Variants in FAM151B observed in about 807,000 individuals in gnomAD.
FAM151B encodes the protein family with sequence similarity 151 member B.
A neutral mutation model predicts 31.2 loss-of-function variants in FAM151B; 24 were observed. The observed-to-expected ratio is 0.77, with a 90% CI of 0.56 to 1.08. The LOEUF is 1.08. Ranked by LOEUF, FAM151B falls within the 50% of genes least tolerant of loss-of-function variation. FAM151B has a pLI of 0.00. For synonymous variants in FAM151B, 105 were observed against 111.4 expected, an observed-to-expected ratio of 0.94 and a Z score of 0.36; for missense variants, 293 against 328.6, an observed-to-expected ratio of 0.89 and a Z score of 0.84.
intron 5 of FAM151B, among the ~76,000 whole-genome samples, chr5:80,531,786 G>A (rs537575988): frequency 6.6e-6 from 1 of 152,284 alleles, no homozygotes; most frequent in African/African-American, 2.4e-5. Flanking sequence ...TACACTGTTG[G>A]TGGGACTATA....
chr5:80,517,936 G>A (rs1054098856), intron 3 of FAM151B, among the ~76,000 whole-genome samples: 1 of 152,106 alleles, frequency 6.6e-6, no homozygotes, highest in African/African-American at 2.4e-5. Context: ...GCTGGGTGTG[G>A]TGGCGCATGC....
intron 2 of FAM151B, chr5:80,511,148 A>C (rs1250691973): frequency 2.0e-5 from 3 of 152,246 alleles, no homozygotes; most frequent in African/African-American, 7.2e-5. Context: ...ATGAATCTGA[A>C]TGTATCCTCC....
At chr5:80,534,781 T>C (rs921287955) in intron 5 of FAM151B, among the ~76,000 whole-genome samples, 3 of 152,094 alleles carry the variant, frequency 2.0e-5, no homozygotes, top group African/African-American at 7.2e-5. Context: ...GAAAGATATA[T>C]AAAGGACATC....
chr5:80,529,818 G>A (rs1172310914), intron 5 of FAM151B, among the ~76,000 whole-genome samples: 2 of 137,924 alleles, frequency 1.5e-5, no homozygotes, highest in South Asian at 2.2e-4. Flanking sequence ...ACAAAGAGGA[G>A]CTGGTAGCAT....
chr5:80,502,834 G>A (rs1448226185), intron 2 of FAM151B, among the ~76,000 whole-genome samples: 1 of 152,086 alleles, frequency 6.6e-6, no homozygotes, highest in Non-Finnish European at 1.5e-5. Flanking sequence ...TCCTCAAAAG[G>A]AAGAATTTTG....
intron 2 of FAM151B, chr5:80,506,083 A>T: frequency 1.0e-6 from 1 of 985,560 alleles, no homozygotes; most frequent in Non-Finnish European, 1.2e-6. Flanking sequence ...TAAGGTATCC[A>T]TTTCTGCTCC....
chr5:80,528,644 C>A (rs991895868), intron 5 of FAM151B, among the ~76,000 whole-genome samples: 3 of 151,856 alleles, frequency 2.0e-5, no homozygotes, highest in Admixed American at 1.3e-4. Flanking sequence ...GTAATCCCAG[C>A]TGCTTGGGAG....
chr5:80,496,606 T>C (rs1743545347), intron 1 of FAM151B, among the ~76,000 whole-genome samples: 1 of 152,132 alleles, frequency 6.6e-6, no homozygotes, highest in Non-Finnish European at 1.5e-5. Context: ...TGAATTCTAA[T>C]GTAAACTATG....
At chr5:80,514,224 C>T (rs1038739873) in intron 3 of FAM151B, among the ~76,000 whole-genome samples, 4 of 152,026 alleles carry the variant, frequency 2.6e-5, no homozygotes, top group African/African-American at 9.7e-5. Flanking sequence ...CCTGTAATTC[C>T]AGCACTTTGG....
intron 5 of FAM151B, among the ~76,000 whole-genome samples, chr5:80,535,074 T>TA (rs1020090349): frequency 1.3e-3 from 205 of 152,222 alleles, no homozygotes; most frequent in African/African-American, 4.6e-3. Context: ...ATTAAAACTA[T>TA]AAAACACTGG....
At chr5:80,538,487 C>T (rs183893300) in intron 5 of FAM151B, among the ~76,000 whole-genome samples, 2,029 of 94,812 alleles carry the variant, frequency 0.021, 80 homozygotes, top group Middle Eastern at 0.037. Context: ...TCTTTCTTTC[C>T]TTCCTTCCTT....
At chr5:80,507,904 G>A (rs1035360434) in intron 2 of FAM151B, among the ~76,000 whole-genome samples, 4 of 152,016 alleles carry the variant, frequency 2.6e-5, no homozygotes, top group African/African-American at 9.7e-5. Flanking sequence ...ATTCTTTCCT[G>A]GAAAGCTCTT....
At chr5:80,527,135 T>G (rs569702696) in intron 5 of FAM151B, among the ~76,000 whole-genome samples, 1 of 152,250 alleles carries the variant, frequency 6.6e-6, no homozygotes, top group South Asian at 2.1e-4. Context: ...AATTTTTCAT[T>G]AGGTCATCCA....
At chr5:80,538,440 CTTTCTTTCTCTTTCTT>C (rs1387090014) in intron 5 of FAM151B, among the ~76,000 whole-genome samples, 83 of 59,848 alleles carry the variant, frequency 1.4e-3, no homozygotes, top group Non-Finnish European at 1.8e-3. Context: ...TTCTTTCTTT[CTTTCTTTCTCTTTCTT>C]TCTTTCTTTC....
chr5:80,519,699 A>C lies in FAM151B; in HGVS notation c.324A>C (p.Ala108=). Residue 108 remains alanine, a synonymous_variant, in exon 4 of 6, where the codon GCA becomes GCC. Coordinates refer to ENST00000282226, the MANE Select transcript of FAM151B (RefSeq NM_205548.3). ...KGIKLDFKSL[A]VVEPSMMLLE... ...CAACAAATTATGTTTTTAGTCTGGCAGTTGTAGAACCATCCATGATGCTCT... is the reference window on the plus strand; with the variant it reads ...CAACAAATTATGTTTTTAGTCTGGCCGTTGTAGAACCATCCATGATGCTCT... The C allele has an allele frequency of 6.2e-7, 1 of 1,612,290 alleles. No individual in the cohort carries two copies. Among genetic ancestry groups the C allele is most frequent in the Non-Finnish European group, 8.5e-7 (1 of 1,179,184 alleles).
At chr5:80,493,952 C>G (rs1320677347) in intron 1 of FAM151B, among the ~76,000 whole-genome samples, 3 of 152,148 alleles carry the variant, frequency 2.0e-5, no homozygotes, top group African/African-American at 4.8e-5. Context: ...TTTTGTGGCT[C>G]GGGGTCATCA....
intron 5 of FAM151B, 84 bp downstream of exon 5, chr5:80,522,222 C>A: frequency 7.2e-7 from 1 of 1,398,268 alleles, no homozygotes; most frequent in Non-Finnish European, 9.9e-7. Flanking sequence ...TATTTAAAGA[C>A]AGTGTGTGTG....
intron 5 of FAM151B, among the ~76,000 whole-genome samples, chr5:80,539,247 C>T (rs184587002): frequency 9.6e-4 from 145 of 151,754 alleles, no homozygotes; most frequent in African/African-American, 3.4e-3. Context: ...TTTCCTCATC[C>T]ACCTTCATAG....
chr5:80,541,588 A>C, intron 5 of FAM151B, 85 bp from the exon 6 acceptor site: 1 of 1,290,832 alleles, frequency 7.7e-7, no homozygotes, highest in East Asian at 2.3e-5. Flanking sequence ...AGTTAGAGAT[A>C]AATGAAAGCA....
Sources: allele counts gnomAD v4.1 joint callset (sites outside exome capture counted in the v4.1 genomes callset), GRCh38; gene constraint gnomAD v4.1.1; transcripts MANE v1.5; gene names NCBI Gene and HGNC (gene_info 2026-07-23, HGNC 2026-07-21).